Variants in CNTN6 observed in about 807,000 individuals in gnomAD.
CNTN6 encodes contactin-6.
In CNTN6, 137 loss-of-function variants were observed where a neutral mutation model predicts 122.8. The observed-to-expected ratio is 1.12, with a 90% confidence interval of 0.97 to 1.29. The LOEUF is 1.29. Among genes scored for constraint, CNTN6 ranks in the 50% most tolerant of loss-of-function variants. The probability of loss-of-function intolerance (pLI) is 0.00; values close to 1 mark genes in which losing one functional copy is unlikely to be tolerated. For synonymous variants in CNTN6, 570 were observed against 426.0 expected (o/e 1.34, Z -4.16); for missense variants, 1,634 against 1,223.4 (o/e 1.34, Z -5.01).
chr3:1,380,702 C>T (rs999544240), intron 17 of CNTN6, among the ~76,000 whole-genome samples: 1 of 152,144 alleles, frequency 6.6e-6, no homozygotes, highest in Non-Finnish European at 1.5e-5. Context: ...GAGCCACATA[C>T]CACTTACAAA....
At chr3:1,163,010 C>T (rs1379869031) in intron 2 of CNTN6, among the ~76,000 whole-genome samples, 5 of 152,124 alleles carry the variant, frequency 3.3e-5, no homozygotes, top group Non-Finnish European at 5.9e-5. Flanking sequence ...TCTGTTTGTC[C>T]CTTGAAGACA....
intron 7 of CNTN6, among the ~76,000 whole-genome samples, chr3:1,318,079 A>G (rs1559805793): frequency 6.6e-6 from 1 of 151,692 alleles, no homozygotes; most frequent in African/African-American, 2.4e-5. Context: ...GAAAGAAGAA[A>G]AAAAGGAAAG....
At chr3:1,152,631 A>C (rs1652573837) in intron 2 of CNTN6, among the ~76,000 whole-genome samples, 1 of 152,194 alleles carries the variant, frequency 6.6e-6, no homozygotes, top group South Asian at 2.1e-4. Flanking sequence ...ATTCTATTTT[A>C]TTAAATCTTT....
chr3:1,208,848 A>G (rs1016461641), intron 2 of CNTN6, among the ~76,000 whole-genome samples: 2 of 152,166 alleles, frequency 1.3e-5, no homozygotes, highest in Non-Finnish European at 2.9e-5. Flanking sequence ...CTCCCAAATT[A>G]TTATTTGAGT....
At chr3:1,102,212 T>A (rs954489423) in intron 1 of CNTN6, among the ~76,000 whole-genome samples, 1 of 152,214 alleles carries the variant, frequency 6.6e-6, no homozygotes, top group African/African-American at 2.4e-5. Flanking sequence ...CATATTTGTA[T>A]GTCTAATGTG....
chr3:1,159,256 A>T (rs1276801831), intron 2 of CNTN6, among the ~76,000 whole-genome samples: 1 of 151,884 alleles, frequency 6.6e-6, no homozygotes, highest in African/African-American at 2.4e-5. Flanking sequence ...CAAGCCCTAT[A>T]CGCATTATGT....
chr3:1,364,703 A>G (rs190217578), intron 12 of CNTN6, among the ~76,000 whole-genome samples: 29 of 152,104 alleles, frequency 1.9e-4, no homozygotes, highest in African/African-American at 6.7e-4. Context: ...TGGTCCTGAC[A>G]TAAGTTTTGA....
intron 7 of CNTN6, among the ~76,000 whole-genome samples, chr3:1,309,724 A>G (rs1023508527): frequency 2.0e-5 from 3 of 152,162 alleles, no homozygotes; most frequent in African/African-American, 7.2e-5. Context: ...AGTTGGGAAG[A>G]CTTGACACAC....
At chr3:1,387,550 T>A (rs1249935535) in intron 20 of CNTN6, among the ~76,000 whole-genome samples, 1 of 152,096 alleles carries the variant, frequency 6.6e-6, no homozygotes, top group Non-Finnish European at 1.5e-5. Flanking sequence ...TCACAGAAAC[T>A]CTTGTGTGTA....
At chr3:1,237,589 A>T in intron 4 of CNTN6, among the ~76,000 whole-genome samples, 1 of 152,202 alleles carries the variant, frequency 6.6e-6, no homozygotes, top group East Asian at 1.9e-4. Flanking sequence ...TCACCTAGGC[A>T]TATAGTCATT....
chr3:1,380,004 C>T (rs765463463), intron 17 of CNTN6, among the ~76,000 whole-genome samples: 1 of 152,056 alleles, frequency 6.6e-6, no homozygotes, highest in Admixed American at 6.6e-5. Flanking sequence ...TGCTCAGAAG[C>T]GTAGAGGACA....
rs768864425 is a variant in CNTN6 at position 1,321,721 on chromosome 3, C to T, written c.833C>T (p.Ser278Phe). Residue 278 changes from serine (S) to phenylalanine (F), a missense_variant, in exon 8 of 23, where the codon TCC becomes TTC. Transcript: ENST00000446702. The stretch of plus-strand genomic sequence containing the variant: ...CCAGGGAAAGTCAAGTACAGCAAAT[C>T]CCAAGCTATCCTTGAAATCCCGAAC... ...PLPGKVKYSKSQAILEIPNFQ... is the reference protein window; with the variant it reads ...PLPGKVKYSKFQAILEIPNFQ... 9 of 1,611,768 alleles carry T rather than the reference C, an allele frequency of 5.6e-6. No homozygotes were observed. The highest frequency in any genetic ancestry group is 7.6e-6 in the Non-Finnish European group (9 of 1,178,586).
intron 12 of CNTN6, among the ~76,000 whole-genome samples, chr3:1,357,878 A>G (rs979945725): frequency 2.2e-5 from 3 of 136,598 alleles, no homozygotes; most frequent in African/African-American, 8.5e-5. Flanking sequence ...ATGCACATTT[A>G]TGTAAAATTT....
At chr3:1,328,776 TC>T in intron 10 of CNTN6, among the ~76,000 whole-genome samples, 2 of 151,616 alleles carry the variant, frequency 1.3e-5, no homozygotes, top group Non-Finnish European at 2.9e-5. Flanking sequence ...CGAAAGAACT[TC>T]AGTTCACTTG....
At chr3:1,359,381 T>G (rs560612988) in intron 12 of CNTN6, among the ~76,000 whole-genome samples, 1 of 152,232 alleles carries the variant, frequency 6.6e-6, no homozygotes, top group Admixed American at 6.6e-5. Context: ...ACATTGCATG[T>G]TTTCTCATTT....
chr3:1,093,514 A>C (rs1189765299), intron 1 of CNTN6, among the ~76,000 whole-genome samples: 1 of 151,688 alleles, frequency 6.6e-6, no homozygotes, highest in African/African-American at 2.4e-5. Context: ...TGTGATCGCT[A>C]AATGTTTTTT....
At chr3:1,240,898 TTATAGGATTTGGGAAGGTGATGGA>T (rs2094474555) in intron 4 of CNTN6, among the ~76,000 whole-genome samples, 3 of 151,792 alleles carry the variant, frequency 2.0e-5, no homozygotes, top group Non-Finnish European at 2.9e-5. Flanking sequence ...TGGGGCTGTT[TTATAGGATTTGGGAAGGTGATGGA>T]AAATTACAGT....
At chr3:1,301,429 T>C (rs1043428922) in intron 7 of CNTN6, among the ~76,000 whole-genome samples, 8 of 152,148 alleles carry the variant, frequency 5.3e-5, no homozygotes, top group Non-Finnish European at 1.0e-4. Flanking sequence ...AAATGTAAAA[T>C]CTGATGTGTA....
intron 20 of CNTN6, among the ~76,000 whole-genome samples, chr3:1,388,284 A>AC (rs555674688): frequency 1.0e-4 from 15 of 147,706 alleles, no homozygotes; most frequent in South Asian, 4.4e-4. Flanking sequence ...ACTGGGAGGC[A>AC]CCCCCCAGCA....
Sources: gnomAD v4.1 joint callset for allele counts (sites outside exome capture counted in the v4.1 genomes callset) on GRCh38, gnomAD v4.1.1 for gene constraint, MANE v1.5 for transcripts, NCBI Gene and HGNC (gene_info 2026-07-23, HGNC 2026-07-21) for gene names.